Variants in TRPS1 observed in about 807,000 individuals in gnomAD.
TRPS1 encodes transcriptional repressor GATA binding 1, also known as zinc finger transcription factor Trps1.
A neutral mutation model predicts 101.2 loss-of-function variants in TRPS1; 6 were observed. That is an observed-to-expected ratio of 0.06 (90% CI 0.03 to 0.12). The LOEUF (loss-of-function observed/expected upper bound fraction) is 0.12. Ranked by LOEUF, TRPS1 falls within the 10% of genes least tolerant of loss-of-function variation. The pLI is 1.00. For missense variants in TRPS1, 1,363 were observed against 1,567.0 expected, an observed-to-expected ratio of 0.87 and a Z score of 2.20; for synonymous variants, 578 against 589.8, an observed-to-expected ratio of 0.98 and a Z score of 0.29.
intron 5 of TRPS1, among the ~76,000 whole-genome samples, chr8:115,544,530 C>T (rs1056471550): frequency 2.6e-5 from 4 of 151,938 alleles, no homozygotes; most frequent in Admixed American, 2.6e-4. Flanking sequence ...CCTAAAAATA[C>T]TAATTAAAAA....
At chr8:115,465,866 C>T (rs1322544568) in intron 5 of TRPS1, among the ~76,000 whole-genome samples, 2 of 151,930 alleles carry the variant, frequency 1.3e-5, no homozygotes, top group Non-Finnish European at 2.9e-5. Flanking sequence ...TCTCTGTTAT[C>T]TATAGGAAAA....
At chr8:115,551,057 G>T (rs1280768702) in intron 5 of TRPS1, among the ~76,000 whole-genome samples, 1 of 152,130 alleles carries the variant, frequency 6.6e-6, no homozygotes, top group African/African-American at 2.4e-5. Context: ...AAAGGCACAT[G>T]CATCCCTCCA....
At chr8:115,450,922 A>G (rs946840141) in intron 5 of TRPS1, among the ~76,000 whole-genome samples, 2 of 150,546 alleles carry the variant, frequency 1.3e-5, no homozygotes, top group African/African-American at 4.8e-5. Context: ...AACAACAAAG[A>G]GAGCCATCAG....
chr8:115,475,266 T>TTATATATATATAGATATA (rs1814572075), intron 5 of TRPS1, among the ~76,000 whole-genome samples: 1 of 124,004 alleles, frequency 8.1e-6, no homozygotes, highest in African/African-American at 3.5e-5. Flanking sequence ...TGAATCACAG[T>TTATATATATATAGATATA]TATATATATA....
chr8:115,590,369 T>A (rs1370602581), intron 4 of TRPS1, among the ~76,000 whole-genome samples: 1 of 152,162 alleles, frequency 6.6e-6, no homozygotes, highest in Non-Finnish European at 1.5e-5. Flanking sequence ...TGGTGAGATC[T>A]CTGCTTGAAT....
In TRPS1 at chr8:115,619,688, G is replaced by A. The variant is rs753255150; in HGVS notation, c.410C>T (p.Pro137Leu). ...CTCTGCTCTTTGCGGAGACTTCAAG[G>A]GCTCACAGACTCCCCCAGCAGCTGG... ...SSPAAGGVCE[P>L]LKSPQRAEAD... The change falls in exon 3 of 7, where the codon CCC (proline) becomes CTC (leucine). Residue 137 changes from proline to leucine, a missense_variant. Around this residue, in one of 5 missense-constraint regions of TRPS1, gnomAD observed 1,020 missense variants for 1,073.0 expected, o/e 0.95. Coordinates refer to ENST00000395715, the MANE Select transcript of TRPS1 (RefSeq NM_014112.5). 3.1e-6 allele frequency: 5 copies of A among 1,614,110 alleles called. No homozygotes were observed. The highest frequency in any genetic ancestry group is 4.5e-5 in the East Asian group (2 of 44,870).
chr8:115,450,206 T>C (rs982189857), intron 5 of TRPS1, among the ~76,000 whole-genome samples: 13 of 152,186 alleles, frequency 8.5e-5, no homozygotes, highest in Admixed American at 3.9e-4. Flanking sequence ...ATTTCTGAAA[T>C]TTATTTCTTG....
chr8:115,577,480 G>A (rs1409154831), intron 5 of TRPS1, among the ~76,000 whole-genome samples: 1 of 152,004 alleles, frequency 6.6e-6, no homozygotes, highest in Non-Finnish European at 1.5e-5. Flanking sequence ...ATATTCTATA[G>A]TTAGCAATAA....
At chr8:115,623,819 A>G (rs1197543586) in intron 1 of TRPS1, 61 bp from the exon 2 acceptor site, 28 of 1,376,752 alleles carry the variant, frequency 2.0e-5, no homozygotes, top group Non-Finnish European at 2.3e-5. Context: ...ATTTTCATGT[A>G]TCACACCTAA....
At chr8:115,429,305 A>G (rs939906438) in intron 5 of TRPS1, among the ~76,000 whole-genome samples, 5 of 152,188 alleles carry the variant, frequency 3.3e-5, no homozygotes, top group African/African-American at 1.2e-4. Flanking sequence ...TTGCTTTTGC[A>G]CGTCCATTAG....
chr8:115,578,468 C>T (rs1470836844), intron 5 of TRPS1, among the ~76,000 whole-genome samples: 2 of 151,946 alleles, frequency 1.3e-5, no homozygotes, highest in Admixed American at 6.6e-5. Flanking sequence ...TTCAAAATGT[C>T]CTTTATAATT....
chr8:115,662,506 C>T (rs1811825628), intron 1 of TRPS1, among the ~76,000 whole-genome samples: 1 of 151,936 alleles, frequency 6.6e-6, no homozygotes, highest in South Asian at 2.1e-4. Context: ...CCAATAATTT[C>T]TGGGTGGAGT....
chr8:115,576,997 C>G lies in TRPS1; in HGVS notation c.2700+10004G>C, dbSNP rs558037136. The stretch of plus-strand genomic sequence containing the variant: ...AAAGAGGACAGATTTTTCTATATTA[C>G]CAGGGAACTTTCAGGTAGGCAATTT... On this transcript the variant is annotated intron_variant, in intron 5 of 6. Transcript: ENST00000395715. Among the ~76,000 whole-genome samples, 4 of 152,210 alleles carry G rather than the reference C, an allele frequency of 2.6e-5. No individual in the cohort carries two copies. The South Asian group carries it at 8.3e-4, about 32-fold the overall frequency.
At chr8:115,580,199 A>G (rs563277523) in intron 5 of TRPS1, among the ~76,000 whole-genome samples, 24 of 150,400 alleles carry the variant, frequency 1.6e-4, no homozygotes, top group Middle Eastern at 3.4e-3. Flanking sequence ...ACACTTAAGG[A>G]AAGTTTTGAA....
At chr8:115,448,685 A>G (rs1471732624) in intron 5 of TRPS1, among the ~76,000 whole-genome samples, 1 of 152,174 alleles carries the variant, frequency 6.6e-6, no homozygotes, top group African/African-American at 2.4e-5. Context: ...AGTATGTTCT[A>G]TAGGAACTGA....
chr8:115,514,215 A>G (rs1284819231), intron 5 of TRPS1, among the ~76,000 whole-genome samples: 1 of 151,750 alleles, frequency 6.6e-6, no homozygotes, highest in African/African-American at 2.4e-5. Context: ...AAAGAATTAA[A>G]GAAGACATGG....
rs755990611 is a variant in TRPS1, at chr8:115,409,261, G to GAAAAAAAAAAAAAAAAA, written c.*4745_*4761dup. On this transcript the variant is annotated 3_prime_UTR_variant, in exon 7 of 7. Coordinates refer to ENST00000395715, the MANE Select transcript of TRPS1 (RefSeq NM_014112.5). ...TGATATGCTGCAGTTTATATGTTGG[G>GAAAAAAAAAAAAAAAAA]AAAAAAAAAAAAAAAAAAAACAGGG... The GAAAAAAAAAAAAAAAAA allele has an allele frequency of 2.9e-5, 3 of 102,262 alleles. No homozygotes were observed. Among genetic ancestry groups the GAAAAAAAAAAAAAAAAA allele is most frequent in the Non-Finnish European group, 5.5e-5 (3 of 54,690 alleles). 6.3% of individuals were successfully genotyped at this position (102,262 alleles called of 1,614,324 possible). A position where few individuals can be genotyped will look rare whatever the true frequency, so the allele number is the denominator to read the frequency against.
At chr8:115,524,319 CTTTTTTTTTTTTTTT>C (rs139406462) in intron 5 of TRPS1, among the ~76,000 whole-genome samples, 2 of 70,726 alleles carry the variant, frequency 2.8e-5, no homozygotes, top group African/African-American at 1.3e-4. Context: ...CTTCTTCTTC[CTTTTTTTTTTTTTTT>C]TTTTTTTTTG....
At chr8:115,448,498 A>G (rs1375530467) in intron 5 of TRPS1, among the ~76,000 whole-genome samples, 2 of 152,148 alleles carry the variant, frequency 1.3e-5, no homozygotes, top group Admixed American at 6.5e-5. Context: ...TATGGAAAAG[A>G]GCTCTCTTTC....
Sources: gnomAD v4.1 joint callset for allele counts (sites outside exome capture counted in the v4.1 genomes callset) on GRCh38, gnomAD v4.1.1 for gene constraint, gnomAD v4.1.1 regional missense constraint, MANE v1.5 for transcripts, NCBI Gene and HGNC (gene_info 2026-07-23, HGNC 2026-07-21) for gene names.